RGS6: variants seen among roughly 807,000 people sequenced by gnomAD.
RGS6 encodes the protein regulator of G-protein signaling 6.
RGS6 carries 30 observed loss-of-function variants against 78.5 expected under a neutral mutation model. The observed-to-expected ratio is 0.38, with a 90% CI of 0.29 to 0.52. The LOEUF (loss-of-function observed/expected upper bound fraction) is 0.52, where lower values mean the gene tolerates loss of function less well. Among genes scored for constraint, RGS6 ranks in the 20% least tolerant of loss-of-function variants. RGS6 has a pLI of 0.85. For missense variants in RGS6, 495 were observed against 609.7 expected, an observed-to-expected ratio of 0.81 and a Z score of 1.98; for synonymous variants, 206 against 206.0, an observed-to-expected ratio of 1.00 and a Z score of 0.00.
chr14:72,035,056 A>G (rs145295476), intron 2 of RGS6, among the ~76,000 whole-genome samples: 2 of 152,198 alleles, frequency 1.3e-5, no homozygotes, highest in African/African-American at 4.8e-5. Flanking sequence ...ATTTCTACGT[A>G]TACACTACTC....
chr14:71,939,280 C>A (rs147215712), intron 1 of RGS6, among the ~76,000 whole-genome samples: 3 of 152,184 alleles, frequency 2.0e-5, no homozygotes, highest in Non-Finnish European at 4.4e-5. Context: ...CACTGGACCC[C>A]TAGAAATTTT....
chr14:72,527,294 G>A (rs1323391453), intron 15 of RGS6, among the ~76,000 whole-genome samples: 1 of 152,214 alleles, frequency 6.6e-6, no homozygotes, highest in African/African-American at 2.4e-5. Context: ...ACCACACATG[G>A]AGGGATTTTG....
intron 2 of RGS6, among the ~76,000 whole-genome samples, chr14:72,083,454 C>G (rs1460088395): frequency 1.3e-5 from 2 of 152,100 alleles, no homozygotes; most frequent in Non-Finnish European, 2.9e-5. Flanking sequence ...GGTTGAGAAG[C>G]CTTAACATAG....
chr14:72,166,138 AGACT>A (rs1201829370), intron 2 of RGS6, among the ~76,000 whole-genome samples: 2 of 140,368 alleles, frequency 1.4e-5, no homozygotes, highest in African/African-American at 2.6e-5. Context: ...ACACACACAC[AGACT>A]GACTTTGTTA....
intron 2 of RGS6, among the ~76,000 whole-genome samples, chr14:72,113,165 C>G (rs2095810724): frequency 6.6e-6 from 1 of 152,144 alleles, no homozygotes; most frequent in South Asian, 2.1e-4. Flanking sequence ...GGCAAGCCCC[C>G]CGACATGTGG....
intron 17 of RGS6, among the ~76,000 whole-genome samples, chr14:72,546,562 C>T (rs140632694): frequency 3.3e-5 from 5 of 152,182 alleles, no homozygotes; most frequent in South Asian, 2.1e-4. Context: ...GCTCTCCCCA[C>T]GGAGTGCCCA....
chr14:72,397,594 G>A (rs2091618941), intron 3 of RGS6, among the ~76,000 whole-genome samples: 1 of 152,076 alleles, frequency 6.6e-6, no homozygotes, highest in African/African-American at 2.4e-5. Context: ...ATGTTGAATA[G>A]GAGTGGTGAG....
chr14:72,213,699 CCTT>C (rs1436020966), intron 2 of RGS6, among the ~76,000 whole-genome samples: 1 of 152,172 alleles, frequency 6.6e-6, no homozygotes, highest in African/African-American at 2.4e-5. Context: ...ATGCCTAGCT[CCTT>C]CTAGCCATGT....
chr14:71,985,013 C>G (rs1456716970), intron 2 of RGS6, among the ~76,000 whole-genome samples: 1 of 152,202 alleles, frequency 6.6e-6, no homozygotes, highest in Non-Finnish European at 1.5e-5. Flanking sequence ...GTATACATAA[C>G]ACATTAACCT....
At chr14:71,916,837 CCAAAGT>C in the RGS6 span, among the ~76,000 whole-genome samples, 1 of 152,130 alleles carries the variant, frequency 6.6e-6, no homozygotes. Flanking sequence ...AGAACACATG[CCAAAGT>C]CACTGCATCA....
chr14:72,056,710 C>T (rs1423581084), intron 2 of RGS6, among the ~76,000 whole-genome samples: 1 of 152,128 alleles, frequency 6.6e-6, no homozygotes, highest in East Asian at 1.9e-4. Context: ...AGGACTTTAC[C>T]ATGAAATCTG....
Position 72,485,594 on chromosome 14 carries a change from A to T in RGS6, c.854+7265A>T, listed in dbSNP as rs138691254. 2.6e-4 allele frequency among the ~76,000 whole-genome samples: 39 copies of T among 152,346 alleles called. 1 individual carries two copies. Among genetic ancestry groups the T allele is most frequent in the African/African-American group, 9.4e-4 (39 of 41,592 alleles). On this transcript the variant is annotated intron_variant, in intron 12 of 17. Transcript: ENST00000553525. The stretch of plus-strand genomic sequence containing the variant: ...AGTTCTACAAAGGGCTGCCTTGATG[A>T]ACTTGCCTTCACACTCCCATCACCT...
At chr14:72,581,728 C>A in the RGS6 span, among the ~76,000 whole-genome samples, 2 of 152,340 alleles carry the variant, frequency 1.3e-5, no homozygotes, top group African/African-American at 4.8e-5. Flanking sequence ...CCTACAAGAC[C>A]AAATCCTATT....
the RGS6 span, among the ~76,000 whole-genome samples, chr14:71,881,943 A>G: frequency 1.3e-5 from 2 of 152,132 alleles, no homozygotes; most frequent in African/African-American, 2.4e-5. Flanking sequence ...TTATGTGTAT[A>G]TAAAATATGC....
chr14:72,079,876 T>A (rs940057782), intron 2 of RGS6, among the ~76,000 whole-genome samples: 2 of 152,222 alleles, frequency 1.3e-5, no homozygotes, highest in African/African-American at 4.8e-5. Context: ...TCCTTCTTTT[T>A]TAAGGCTGAG....
the RGS6 span, among the ~76,000 whole-genome samples, chr14:71,902,727 A>T: frequency 6.6e-6 from 1 of 152,210 alleles, no homozygotes; most frequent in African/African-American, 2.4e-5. Context: ...TAAAAACATA[A>T]ACTTATTTGA....
intron 3 of RGS6, among the ~76,000 whole-genome samples, chr14:72,404,066 G>A (rs1424799139): frequency 1.3e-5 from 2 of 152,188 alleles, no homozygotes; most frequent in East Asian, 3.8e-4. Flanking sequence ...TCCCTGACCT[G>A]GGATGGACAG....
chr14:72,080,963 C>CT (rs1341133200), intron 2 of RGS6, among the ~76,000 whole-genome samples: 2 of 152,050 alleles, frequency 1.3e-5, no homozygotes, highest in Non-Finnish European at 2.9e-5. Flanking sequence ...ATGTCTCCAC[C>CT]TTTGTTCTTT....
At chr14:71,970,935 A>G (rs143355335) in intron 2 of RGS6, among the ~76,000 whole-genome samples, 1 of 152,248 alleles carries the variant, frequency 6.6e-6, no homozygotes, top group Non-Finnish European at 1.5e-5. Flanking sequence ...CTAGGAATTA[A>G]CCAGATGGAG....
Sources: gnomAD v4.1 joint callset for allele counts (sites outside exome capture counted in the v4.1 genomes callset) on GRCh38, gnomAD v4.1.1 for gene constraint, MANE v1.5 for transcripts, NCBI Gene and HGNC (gene_info 2026-07-23, HGNC 2026-07-21) for gene names.